Variants in TMEM117 observed in about 807,000 individuals in gnomAD.
TMEM117 encodes transmembrane protein 117.
Under a neutral mutation model 52.4 loss-of-function variants are expected in TMEM117, and 27 were observed. That is an observed-to-expected ratio of 0.51 (90% confidence interval 0.38 to 0.71). The LOEUF (loss-of-function observed/expected upper bound fraction) is 0.71, where lower values mean the gene tolerates loss of function less well. Ranked by LOEUF, TMEM117 falls within the 30% of genes least tolerant of loss-of-function variation. TMEM117 has a pLI of 0.00. For synonymous variants in TMEM117, 215 were observed against 206.3 expected (o/e 1.04, Z -0.36); for missense variants, 556 against 630.5 (o/e 0.88, Z 1.26).
At chr12:44,053,912 G>A (rs1947012425) in intron 3 of TMEM117, among the ~76,000 whole-genome samples, 1 of 152,158 alleles carries the variant, frequency 6.6e-6, no homozygotes. Flanking sequence ...CAGAACTATT[G>A]CAACATGAAT....
At chr12:44,025,428 AT>A (rs1357319264) in intron 3 of TMEM117, among the ~76,000 whole-genome samples, 1 of 152,200 alleles carries the variant, frequency 6.6e-6, no homozygotes, top group Non-Finnish European at 1.5e-5. Flanking sequence ...CTTCTGTGGA[AT>A]TTTAGGAAAA....
chr12:43,942,589 T>C (rs915226453), intron 2 of TMEM117, among the ~76,000 whole-genome samples: 1 of 152,126 alleles, frequency 6.6e-6, no homozygotes, highest in Non-Finnish European at 1.5e-5. Flanking sequence ...CAAGAATCCA[T>C]GGCATGATGT....
intron 5 of TMEM117, among the ~76,000 whole-genome samples, chr12:44,292,142 A>T (rs1950712690): frequency 6.6e-6 from 1 of 151,892 alleles, no homozygotes. Context: ...GTTTTTACTC[A>T]TGATCGGTCT....
chr12:43,803,506 T>C, the TMEM117 span, among the ~76,000 whole-genome samples: 1 of 152,148 alleles, frequency 6.6e-6, no homozygotes, highest in Non-Finnish European at 1.5e-5. Context: ...ATTTTCCTTA[T>C]TTAAAAATTT....
intron 2 of TMEM117, among the ~76,000 whole-genome samples, chr12:43,942,168 A>G (rs777141934): frequency 1.3e-5 from 2 of 152,228 alleles, no homozygotes; most frequent in Non-Finnish European, 2.9e-5. Flanking sequence ...TCACAATTCC[A>G]TTAAATACTC....
At position 44,388,344 on chromosome 12, in the gene TMEM117, G is replaced by A. The variant is rs756298932; in HGVS notation, c.1217G>A (p.Trp406Ter). The A allele has an allele frequency of 3.1e-6, 5 of 1,613,534 alleles. No individual in the cohort carries two copies. In the South Asian group the frequency reaches 5.5e-5, roughly 18 times the overall value. Residue 406 changes from tryptophan (W) to a stop codon, truncating the protein, a stop_gained, in exon 8 of 8, where the codon TGG becomes TAG. Coordinates refer to ENST00000266534, the MANE Select transcript of TMEM117 (RefSeq NM_032256.3). LOFTEE classifies it high-confidence loss of function. ...AFVPSLIAFV[W>*]FGFFIWFFGR... ...GTTCCAAGCCTGATAGCCTTTGTGT[G>A]GTTTGGATTCTTTATTTGGTTCTTT...
At chr12:43,945,065 C>A (rs1242191079) in intron 3 of TMEM117, among the ~76,000 whole-genome samples, 1 of 150,898 alleles carries the variant, frequency 6.6e-6, no homozygotes, top group Non-Finnish European at 1.5e-5. Flanking sequence ...GAGCCAAGAT[C>A]GTGCCACTGC....
chr12:44,199,855 C>T (rs865805041), intron 4 of TMEM117, among the ~76,000 whole-genome samples: 6 of 152,112 alleles, frequency 3.9e-5, no homozygotes, highest in South Asian at 2.1e-4. Context: ...TGGTGGCTCA[C>T]GCCTGTAATA....
rs946711046 is a variant in TMEM117, at chr12:44,053,500, G to T, written c.411-90025G>T. On this transcript the variant is annotated intron_variant, in intron 3 of 7. Transcript: ENST00000266534. ...GTTTTTATCTAGGTTTCATTTTATGGATATAATTGGTTAAATCATTGGCCA... is the reference window on the plus strand; with the variant it reads ...GTTTTTATCTAGGTTTCATTTTATGTATATAATTGGTTAAATCATTGGCCA... Among the ~76,000 whole-genome samples, 8 of 152,170 alleles carry T rather than the reference G, an allele frequency of 5.3e-5. No individual in the cohort carries two copies. In the East Asian group the frequency reaches 1.2e-3, roughly 22 times the overall value.
the TMEM117 span, chr12:43,797,361 G>C: frequency 6.2e-7 from 1 of 1,605,918 alleles, no homozygotes; most frequent in African/African-American, 1.3e-5. Context: ...ATGGTAACGA[G>C]CTGAATCCTT....
chr12:44,073,593 A>C (rs1947337180), intron 3 of TMEM117: 1 of 152,264 alleles, frequency 6.6e-6, no homozygotes, highest in Admixed American at 6.5e-5. Flanking sequence ...TTGAAAGTCA[A>C]CGTGGCAAGT....
intron 5 of TMEM117, among the ~76,000 whole-genome samples, chr12:44,223,114 A>T (rs1949811821): frequency 6.8e-6 from 1 of 146,774 alleles, no homozygotes; most frequent in Admixed American, 6.8e-5. Flanking sequence ...AATTTGTGTC[A>T]TGGGGTTTGT....
At chr12:43,938,166 C>G (rs1944983911) in intron 2 of TMEM117, among the ~76,000 whole-genome samples, 1 of 151,194 alleles carries the variant, frequency 6.6e-6, no homozygotes, top group Admixed American at 6.6e-5. Flanking sequence ...TGCAGGACAG[C>G]ATATCTAGTT....
intron 3 of TMEM117, among the ~76,000 whole-genome samples, chr12:43,995,568 T>C (rs1422407003): frequency 6.6e-6 from 1 of 152,190 alleles, no homozygotes; most frequent in Non-Finnish European, 1.5e-5. Context: ...GGGGAACAGG[T>C]GGTGTTTGGT....
intron 3 of TMEM117, among the ~76,000 whole-genome samples, chr12:44,075,979 A>G (rs1947375632): frequency 6.6e-6 from 1 of 152,220 alleles, no homozygotes; most frequent in African/African-American, 2.4e-5. Context: ...CAGTGCTGAC[A>G]ACAGTGGGGC....
Position 43,873,094 on chromosome 12 carries a change from A to T in TMEM117, c.277+28166A>T, listed in dbSNP as rs12099435. Reference sequence around the variant, plus strand: ...TCAATAGTGATGGATGCTTGAGGAGAGACAGAGGATTTTGCAAACTGATTA... The same window carrying T: ...TCAATAGTGATGGATGCTTGAGGAGTGACAGAGGATTTTGCAAACTGATTA... On this transcript the variant is annotated intron_variant, in intron 2 of 7. Coordinates refer to ENST00000266534, the MANE Select transcript of TMEM117 (RefSeq NM_032256.3). Among the ~76,000 whole-genome samples, 1,219 of 152,314 alleles carry T rather than the reference A, an allele frequency of 8.0e-3. 24 individuals carry two copies. The highest frequency in any genetic ancestry group is 0.027 in the African/African-American group (1,138 of 41,568).
chr12:43,973,356 A>T (rs1478577634), intron 3 of TMEM117, among the ~76,000 whole-genome samples: 1 of 152,180 alleles, frequency 6.6e-6, no homozygotes, highest in Non-Finnish European at 1.5e-5. Flanking sequence ...TCAAGAAGAG[A>T]AAAATGTAAA....
chr12:43,980,165 C>T (rs1945737696), intron 3 of TMEM117, among the ~76,000 whole-genome samples: 1 of 152,084 alleles, frequency 6.6e-6, no homozygotes, highest in South Asian at 2.1e-4. Context: ...CCTGCATTTC[C>T]TCTTTGTTAT....
intron 6 of TMEM117, among the ~76,000 whole-genome samples, chr12:44,339,716 A>G (rs11182470): frequency 0.09 from 13,685 of 152,006 alleles, 1,550 homozygotes; most frequent in African/African-American, 0.27. Flanking sequence ...TTATTGTGAA[A>G]AAGCCCTTAA....
Sources: gnomAD v4.1 joint callset for allele counts (sites outside exome capture counted in the v4.1 genomes callset) on GRCh38, gnomAD v4.1.1 for gene constraint, MANE v1.5 for transcripts, NCBI Gene and HGNC (gene_info 2026-07-23, HGNC 2026-07-21) for gene names.